Variants in GRAMD4 observed in about 807,000 individuals in gnomAD.
The protein encoded by GRAMD4 is GRAM domain-containing protein 4.
Under a neutral mutation model 83.9 loss-of-function variants are expected in GRAMD4, and 25 were observed. That is an observed-to-expected ratio of 0.30 (90% confidence interval 0.22 to 0.42). The LOEUF (loss-of-function observed/expected upper bound fraction) is 0.42. Ranked by LOEUF, GRAMD4 falls within the 10% of genes least tolerant of loss-of-function variation. The pLI is 1.00. For synonymous variants in GRAMD4, 336 were observed against 320.9 expected (o/e 1.05, Z -0.50); for missense variants, 593 against 788.7 (o/e 0.75, Z 2.97).
chr22:46,624,281 C>T (rs1378434389), intron 1 of GRAMD4, among the ~76,000 whole-genome samples: 2 of 125,366 alleles, frequency 1.6e-5, no homozygotes, highest in African/African-American at 3.1e-5. Flanking sequence ...ACTCTTCCAT[C>T]TTCTTCTCTC....
intron 1 of GRAMD4, among the ~76,000 whole-genome samples, chr22:46,583,388 A>G (rs1432232513): frequency 6.6e-6 from 1 of 152,258 alleles, no homozygotes; most frequent in Non-Finnish European, 1.5e-5. Context: ...ATACATTATC[A>G]TTAGCCAAAG....
chr22:46,628,143 C>T (rs1448251906), intron 2 of GRAMD4, among the ~76,000 whole-genome samples: 1 of 152,218 alleles, frequency 6.6e-6, no homozygotes. Flanking sequence ...ACAAAAATCT[C>T]CCTCCCGACA....
upstream of GRAMD4, among the ~76,000 whole-genome samples, chr22:46,576,957 C>T (rs1161801020): frequency 2.7e-5 from 4 of 145,700 alleles, no homozygotes; most frequent in Non-Finnish European, 6.1e-5. Context: ...CCCGCCAGGG[C>T]AGGCGCGCCC....
chr22:46,578,852 G>A (rs932999788), intron 1 of GRAMD4, among the ~76,000 whole-genome samples: 6 of 151,574 alleles, frequency 4.0e-5, no homozygotes, highest in African/African-American at 1.5e-4. Flanking sequence ...GGACCCTTCT[G>A]CAGCACTTTG....
At chr22:46,661,548 C>T (rs914913728) in intron 5 of GRAMD4, 106 bp downstream of exon 5, 1 of 807,264 alleles carries the variant, frequency 1.2e-6, no homozygotes, top group Admixed American at 2.1e-5. Flanking sequence ...TACCCCCTCC[C>T]CCAGCAGGTG....
intron 3 of GRAMD4, among the ~76,000 whole-genome samples, chr22:46,652,682 G>A (rs960096799): frequency 1.9e-4 from 29 of 152,234 alleles, no homozygotes; most frequent in Non-Finnish European, 4.3e-4. Context: ...GCCCACTCCG[G>A]AGGCCGAGGG....
At chr22:46,661,247 G>T in intron 4 of GRAMD4, 134 bp from the exon 5 acceptor site, 1 of 659,544 alleles carries the variant, frequency 1.5e-6, no homozygotes. Context: ...CAGCAGTGGA[G>T]ACTCTGGAGA....
intron 1 of GRAMD4, among the ~76,000 whole-genome samples, chr22:46,594,256 C>T (rs1034734395): frequency 5.3e-5 from 8 of 151,838 alleles, no homozygotes; most frequent in African/African-American, 1.9e-4. Context: ...TGCCTGGGTC[C>T]ACACTGTCAC....
At chr22:46,623,625 T>C (rs2081610113) in intron 1 of GRAMD4, among the ~76,000 whole-genome samples, 1 of 152,088 alleles carries the variant, frequency 6.6e-6, no homozygotes, top group South Asian at 2.1e-4. Context: ...CTCGATGTCC[T>C]GACCTCGTGA....
chr22:46,668,876 T>G lies in GRAMD4; in HGVS notation c.1052T>G (p.Phe351Cys), dbSNP rs894193544. The change falls in exon 13 of 19, where the codon TTC becomes TGC. Residue 351 changes from phenylalanine (F) to cysteine (C), a missense_variant. Transcript: ENST00000406902. ...TGGGCTGCCTTCCTGGCCTCCTGCT[T>G]CTTCCCCTACCGCCTGGTGGGGCTT... Reference protein sequence around the residue: ...ALWAAFLASCFFPYRLVGLAV... With the variant: ...ALWAAFLASCCFPYRLVGLAV... The G allele has an allele frequency of 6.2e-7, 1 of 1,609,560 alleles. No individual in the cohort carries two copies. Among genetic ancestry groups the G allele is most frequent in the Non-Finnish European group, 8.5e-7 (1 of 1,176,822 alleles).
At chr22:46,669,923 C>G (rs544792971) in intron 13 of GRAMD4, among the ~76,000 whole-genome samples, 1 of 152,192 alleles carries the variant, frequency 6.6e-6, no homozygotes, top group Non-Finnish European at 1.5e-5. Flanking sequence ...TCTTTTCTTT[C>G]TCTTTTCCTC....
At chr22:46,584,057 A>T (rs926626843) in intron 1 of GRAMD4, among the ~76,000 whole-genome samples, 1 of 152,020 alleles carries the variant, frequency 6.6e-6, no homozygotes, top group Admixed American at 6.6e-5. Context: ...GCGGAATGCC[A>T]TTATTTTGTT....
chr22:46,580,712 C>T (rs1052857439), intron 1 of GRAMD4, among the ~76,000 whole-genome samples: 2 of 152,216 alleles, frequency 1.3e-5, no homozygotes, highest in African/African-American at 2.4e-5. Flanking sequence ...CGCCTGTAAT[C>T]CCAACACTTT....
At chr22:46,579,818 G>A (rs1466204317) in intron 1 of GRAMD4, among the ~76,000 whole-genome samples, 2 of 152,200 alleles carry the variant, frequency 1.3e-5, no homozygotes, top group Admixed American at 6.5e-5. Context: ...TTAGGAGGCT[G>A]CCCCATCTCG....
At chr22:46,657,791 G>T (rs934870972) in intron 3 of GRAMD4, among the ~76,000 whole-genome samples, 5 of 152,218 alleles carry the variant, frequency 3.3e-5, no homozygotes, top group Non-Finnish European at 7.3e-5. Flanking sequence ...ACATGGAGGC[G>T]CTGGGTGGGT....
chr22:46,652,722 T>C (rs1181343463), intron 3 of GRAMD4, among the ~76,000 whole-genome samples: 1 of 152,164 alleles, frequency 6.6e-6, no homozygotes, highest in Non-Finnish European at 1.5e-5. Context: ...AGCTGCAGAT[T>C]TTCGGTGCCT....
At chr22:46,590,095 T>G (rs2081192285) in intron 1 of GRAMD4, among the ~76,000 whole-genome samples, 1 of 152,104 alleles carries the variant, frequency 6.6e-6, no homozygotes, top group South Asian at 2.1e-4. Flanking sequence ...TTGGCCCGGG[T>G]GGGCAGAGCC....
intron 1 of GRAMD4, among the ~76,000 whole-genome samples, chr22:46,580,974 AAAAAAAAAAAG>A (rs981907168): frequency 5.3e-5 from 8 of 151,598 alleles, no homozygotes; most frequent in East Asian, 1.9e-4. Context: ...TCTCAAAAAA[AAAAAAAAAAAG>A]AAAGAAAGAA....
At chr22:46,589,839 C>G (rs756417322) in intron 1 of GRAMD4, among the ~76,000 whole-genome samples, 1 of 152,194 alleles carries the variant, frequency 6.6e-6, no homozygotes, top group African/African-American at 2.4e-5. Context: ...AGCCCCTGCC[C>G]TGCTCCCCAG....
Sources: gnomAD v4.1 joint callset for allele counts (sites outside exome capture counted in the v4.1 genomes callset) on GRCh38, gnomAD v4.1.1 for gene constraint, MANE v1.5 for transcripts, NCBI Gene and HGNC (gene_info 2026-07-23, HGNC 2026-07-21) for gene names.